Variants in TRAPPC9 observed in about 807,000 individuals in gnomAD.
TRAPPC9 encodes trafficking protein particle complex subunit 9, also known as IKK2 binding protein.
In TRAPPC9, 83 loss-of-function variants were observed where a neutral mutation model predicts 124.0. The ratio of observed to expected loss-of-function variants is 0.67; its 90% CI spans 0.56 to 0.80. The LOEUF is 0.80. TRAPPC9 is among the 30% of genes least tolerant of loss of function. The pLI is 0.00. For missense variants in TRAPPC9, 1,302 were observed against 1,508.3 expected (o/e 0.86, Z 2.27); for synonymous variants, 638 against 617.5 (o/e 1.03, Z -0.49).
At chr8:139,970,565 C>T (rs962281686) in intron 19 of TRAPPC9, among the ~76,000 whole-genome samples, 3 of 152,126 alleles carry the variant, frequency 2.0e-5, no homozygotes, top group Non-Finnish European at 2.9e-5. Context: ...CTCAGACACA[C>T]GGAGGGGCGC....
intron 9 of TRAPPC9, among the ~76,000 whole-genome samples, chr8:140,333,669 G>A (rs2066957093): frequency 6.6e-6 from 1 of 152,222 alleles, no homozygotes; most frequent in South Asian, 2.1e-4. Context: ...GGGATTACAG[G>A]CGTAAGCCAC....
In TRAPPC9 at chr8:140,125,518, G is replaced by T. The variant is rs558655044; in HGVS notation, c.2556+95941C>A. Among the ~76,000 whole-genome samples, 47 of 152,042 alleles carry T rather than the reference G, an allele frequency of 3.1e-4. 2 individuals are homozygous for T. The South Asian group carries it at 9.4e-3, about 30-fold the overall frequency. ...GTCCGGGAATGGCAGCAAGGGGAAG[G>T]TGTGCAGGGGACCTGTGGGTGACGG... On this transcript the variant is annotated intron_variant, in intron 17 of 22. Transcript: ENST00000438773.
intron 17 of TRAPPC9, among the ~76,000 whole-genome samples, chr8:140,122,023 T>TTCTCTCTCTCTCTCTCTCTCTC (rs533446141): frequency 7.2e-6 from 1 of 138,438 alleles, no homozygotes; most frequent in African/African-American, 2.7e-5. Flanking sequence ...CTTTCTTTCT[T>TTCTCTCTCTCTCTCTCTCTCTC]TCTCTCTCTC....
intron 1 of TRAPPC9, 128 bp downstream of exon 1, chr8:140,457,511 C>G (rs935008943): frequency 1.3e-6 from 1 of 796,278 alleles, no homozygotes; most frequent in Non-Finnish European, 1.5e-6. Context: ...GTGTGGCGGG[C>G]TCCGCCCGGA....
intron 16 of TRAPPC9, among the ~76,000 whole-genome samples, chr8:140,245,367 T>C (rs2063956807): frequency 6.6e-6 from 1 of 152,186 alleles, no homozygotes; most frequent in South Asian, 2.1e-4. Flanking sequence ...CACGTAAGCA[T>C]GCAGCAATGA....
chr8:139,994,718 C>A lies in TRAPPC9; in HGVS notation c.2700-5882G>T, dbSNP rs537925785. 2.0e-5 allele frequency among the ~76,000 whole-genome samples: 3 copies of A among 152,056 alleles called. No homozygotes were observed. The South Asian group carries it at 6.2e-4, about 32-fold the overall frequency. ...AGATCTGATGGTAAACAAGGGCCTC[C>A]CTGAAGAAATGATGTTTCAGTTAGG... On this transcript the variant is annotated intron_variant, in intron 18 of 22. Transcript: ENST00000438773.
At chr8:140,396,332 G>A (rs996253944) in intron 7 of TRAPPC9, among the ~76,000 whole-genome samples, 7 of 151,720 alleles carry the variant, frequency 4.6e-5, no homozygotes, top group Admixed American at 2.6e-4. Context: ...CAGTAGAGAT[G>A]GGGTTTCACC....
At chr8:139,974,449 C>T (rs1045427808) in intron 19 of TRAPPC9, among the ~76,000 whole-genome samples, 15 of 152,196 alleles carry the variant, frequency 9.9e-5, no homozygotes, top group African/African-American at 3.6e-4. Context: ...CATTAAGTGC[C>T]CACCACAGAA....
chr8:140,248,721 G>A (rs1268150076), intron 16 of TRAPPC9, among the ~76,000 whole-genome samples: 1 of 152,152 alleles, frequency 6.6e-6, no homozygotes, highest in Non-Finnish European at 1.5e-5. Flanking sequence ...GAGATTTCAA[G>A]TATTATAAGG....
intron 7 of TRAPPC9, among the ~76,000 whole-genome samples, chr8:140,393,025 CATTTTATTTTT>C (rs2068972728): frequency 2.5e-5 from 3 of 117,974 alleles, no homozygotes; most frequent in African/African-American, 9.2e-5. Context: ...TTATCATTCC[CATTTTATTTTT>C]ATTTTATTTT....
chr8:139,864,664 G>A (rs747075210), intron 21 of TRAPPC9, among the ~76,000 whole-genome samples: 6 of 152,028 alleles, frequency 3.9e-5, no homozygotes, highest in East Asian at 1.9e-4. Context: ...AATGGACAGC[G>A]TCTGTAGAGC....
At chr8:140,089,030 GTAT>G (rs1470888818) in intron 17 of TRAPPC9, among the ~76,000 whole-genome samples, 2 of 152,242 alleles carry the variant, frequency 1.3e-5, no homozygotes, top group East Asian at 3.9e-4. Flanking sequence ...TGCTGTGCTT[GTAT>G]TTATAAAAAT....
chr8:139,855,928 A>G lies in TRAPPC9; in HGVS notation c.3055+29951T>C, dbSNP rs1219578771. Among the ~76,000 whole-genome samples the G allele has an allele frequency of 2.0e-5, 3 of 152,366 alleles. No homozygotes were observed. In the East Asian group the frequency reaches 5.8e-4, roughly 29 times the overall value. On this transcript the variant is annotated intron_variant, in intron 21 of 22. Transcript: ENST00000438773. The stretch of plus-strand genomic sequence containing the variant: ...GAACTAGGGGGCAGTGAGGCCTGGT[A>G]AAAAGCATTTGCATGTTGAGACAGA...
At chr8:140,129,306 G>A (rs917535586) in intron 17 of TRAPPC9, among the ~76,000 whole-genome samples, 15 of 152,130 alleles carry the variant, frequency 9.9e-5, no homozygotes, top group African/African-American at 3.4e-4. Flanking sequence ...ACCGACTGAG[G>A]AGGATGCCCA....
intron 17 of TRAPPC9, among the ~76,000 whole-genome samples, chr8:140,088,921 G>A (rs1238216310): frequency 1.3e-5 from 2 of 152,134 alleles, no homozygotes; most frequent in African/African-American, 2.4e-5. Context: ...CTCAGCACAC[G>A]TAAATGCAGA....
intron 17 of TRAPPC9, among the ~76,000 whole-genome samples, chr8:140,147,974 TCTC>T (rs1204271331): frequency 1.3e-5 from 2 of 152,318 alleles, no homozygotes; most frequent in Admixed American, 1.3e-4. Flanking sequence ...ATGCACTTAT[TCTC>T]CTGCTCGAGA....
chr8:139,865,435 G>A (rs963542717), intron 21 of TRAPPC9, among the ~76,000 whole-genome samples: 2 of 152,228 alleles, frequency 1.3e-5, no homozygotes, highest in Non-Finnish European at 2.9e-5. Context: ...TCTGTGTTGT[G>A]AGTTCATAGA....
intron 21 of TRAPPC9, among the ~76,000 whole-genome samples, chr8:139,755,470 C>T (rs1376410378): frequency 3.8e-5 from 5 of 131,274 alleles, no homozygotes; most frequent in Admixed American, 8.1e-5. Flanking sequence ...GGGATGAGGA[C>T]AGCAGGTCCC....
chr8:140,123,891 C>G (rs1042477371), intron 17 of TRAPPC9, among the ~76,000 whole-genome samples: 2 of 152,164 alleles, frequency 1.3e-5, no homozygotes, highest in Non-Finnish European at 2.9e-5. Context: ...CTAGGTTATG[C>G]TGTGGTAACA....
Sources: allele counts gnomAD v4.1 joint callset (sites outside exome capture counted in the v4.1 genomes callset), GRCh38; gene constraint gnomAD v4.1.1; transcripts MANE v1.5; gene names NCBI Gene and HGNC (gene_info 2026-07-23, HGNC 2026-07-21).